The following ADAMTS9 variants were observed in gnomAD, a reference collection of about 807,000 sequenced individuals.
ADAMTS9 encodes the protein ADAM metallopeptidase with thrombospondin type 1 motif 9, also known as A disintegrin and metalloproteinase with thrombospondin motifs 9.
A neutral mutation model predicts 257.1 loss-of-function variants in ADAMTS9; 107 were observed. The ratio of observed to expected loss-of-function variants is 0.42; its 90% CI spans 0.36 to 0.49. The LOEUF (loss-of-function observed/expected upper bound fraction) is 0.49. Ranked by LOEUF, ADAMTS9 falls within the 20% of genes least tolerant of loss-of-function variation. The pLI is 0.03. For synonymous variants in ADAMTS9, 982 were observed against 880.9 expected (o/e 1.11, Z -2.03); for missense variants, 2,353 against 2,469.1 (o/e 0.95, Z 1.00).
intron 25 of ADAMTS9, 148 bp downstream of exon 25, chr3:64,603,774 G>A (rs1421700146): frequency 2.1e-6 from 2 of 941,766 alleles, no homozygotes; most frequent in East Asian, 4.9e-5. Context: ...CTACACATAA[G>A]TGGAGCAGCA....
intron 36 of ADAMTS9, among the ~76,000 whole-genome samples, chr3:64,539,946 T>C (rs1048351768): frequency 4.6e-5 from 7 of 152,242 alleles, no homozygotes; most frequent in Non-Finnish European, 8.8e-5. Context: ...GCTCTGCACA[T>C]GCAAAGGGAG....
chr3:64,569,641 T>TATCCAAGCA lies in ADAMTS9; in HGVS notation c.4357-1107_4357-1106insTGCTTGGAT, dbSNP rs1197357955. 4.0e-5 allele frequency among the ~76,000 whole-genome samples: 6 copies of TATCCAAGCA among 149,750 alleles called. No individual in the cohort carries two copies. The Admixed American group carries it at 4.0e-4, about 10-fold the overall frequency. ...AACCACTATTACCAAGCATGCTCAG[T>TATCCAAGCA]TATCCATTCATAAATGTACCAGACA... On this transcript the variant is annotated intron_variant, in intron 28 of 39. Coordinates refer to ENST00000498707, the MANE Select transcript of ADAMTS9 (RefSeq NM_182920.2).
chr3:64,556,572 T>C (rs964307006), intron 30 of ADAMTS9, among the ~76,000 whole-genome samples: 1 of 152,182 alleles, frequency 6.6e-6, no homozygotes, highest in Non-Finnish European at 1.5e-5. Context: ...CCTCCCTCCT[T>C]GGCCTCCCAA....
At chr3:64,596,110 T>C (rs2084359920) in intron 27 of ADAMTS9, among the ~76,000 whole-genome samples, 1 of 152,238 alleles carries the variant, frequency 6.6e-6, no homozygotes, top group East Asian at 1.9e-4. Context: ...TACTACCTCA[T>C]ATCATGGTCA....
intron 30 of ADAMTS9, among the ~76,000 whole-genome samples, chr3:64,558,998 G>A (rs1246573408): frequency 2.6e-5 from 4 of 152,234 alleles, no homozygotes; most frequent in Admixed American, 2.0e-4. Context: ...GGCGGTGGCA[G>A]CAAGATCGGA....
chr3:64,595,699 G>T lies in ADAMTS9; in HGVS notation c.4179+1131C>A, dbSNP rs572743983. The stretch of plus-strand genomic sequence containing the variant: ...CAATAATCCCGTTATGACTGCCTAT[G>T]ACTACTAGGTTATATGGCTGAAACC... On this transcript the variant is annotated intron_variant, in intron 27 of 39. Transcript: ENST00000498707. Among the ~76,000 whole-genome samples, 6 of 152,294 alleles carry T rather than the reference G, an allele frequency of 3.9e-5. No homozygotes were observed. In the South Asian group the frequency reaches 1.2e-3, roughly 32 times the overall value.
intron 14 of ADAMTS9, among the ~76,000 whole-genome samples, chr3:64,632,416 T>C (rs1700388643): frequency 6.6e-6 from 1 of 152,222 alleles, no homozygotes; most frequent in Non-Finnish European, 1.5e-5. Context: ...TGACATTTTT[T>C]CCCAATTTTC....
chr3:64,546,744 A>C lies in ADAMTS9; in HGVS notation c.5064+14T>G, dbSNP rs1402917227. On this transcript the variant is annotated intron_variant, in intron 32 of 39. Transcript: ENST00000498707. Reference sequence around the variant, plus strand: ...CAAGGGCTTTCAGATTTGAGTGCTCAGTCTTCTACTTACGCTCCCCCAGTT... The same window carrying C: ...CAAGGGCTTTCAGATTTGAGTGCTCCGTCTTCTACTTACGCTCCCCCAGTT... 6.4e-7 allele frequency: 1 copy of C among 1,574,556 alleles called. No individual in the cohort carries two copies. Among genetic ancestry groups the C allele is most frequent in the Admixed American group, 1.8e-5 (1 of 55,408 alleles).
chr3:64,671,816 A>T (rs1478208180), intron 3 of ADAMTS9, among the ~76,000 whole-genome samples: 1 of 152,228 alleles, frequency 6.6e-6, no homozygotes, highest in African/African-American at 2.4e-5. Flanking sequence ...CCATGCAGAT[A>T]TCTGGTCCAC....
chr3:64,558,912 G>T (rs1214047827), intron 30 of ADAMTS9, among the ~76,000 whole-genome samples: 1 of 152,272 alleles, frequency 6.6e-6, no homozygotes, highest in East Asian at 1.9e-4. Context: ...GTCACTAGGT[G>T]TGGGAGAAAA....
intron 3 of ADAMTS9, among the ~76,000 whole-genome samples, chr3:64,670,475 T>C (rs1485934380): frequency 6.6e-6 from 1 of 152,236 alleles, no homozygotes; most frequent in Non-Finnish European, 1.5e-5. Flanking sequence ...TTTCTTGCTA[T>C]GTAGTTCTGG....
intron 38 of ADAMTS9, among the ~76,000 whole-genome samples, chr3:64,529,981 AATTTT>A (rs1178532580): frequency 1.0e-5 from 1 of 95,772 alleles, no homozygotes; most frequent in African/African-American, 3.8e-5. Flanking sequence ...TCAGTTATTT[AATTTT>A]TTTTTTTTTT....
intron 9 of ADAMTS9, chr3:64,650,733 T>C: frequency 6.1e-6 from 2 of 329,808 alleles, no homozygotes; most frequent in Non-Finnish European, 1.1e-5. Context: ...TCCCAATGTC[T>C]GAACAAATCT....
intron 11 of ADAMTS9, 77 bp downstream of exon 11, chr3:64,647,863 A>T (rs1434307328): frequency 2.4e-6 from 3 of 1,241,492 alleles, no homozygotes; most frequent in Non-Finnish European, 3.4e-6. Context: ...TATTCTAAAC[A>T]TCGGTGTCTG....
Position 64,561,608 on chromosome 3 carries a change from G to A in ADAMTS9, c.4668C>T (p.Leu1556=). 1 of 1,614,038 alleles carries A rather than the reference G, an allele frequency of 6.2e-7. No individual in the cohort carries two copies. Among genetic ancestry groups the A allele is most frequent in the Non-Finnish European group, 8.5e-7 (1 of 1,179,970 alleles). ...GCCATTCCTCTGCCCTCCAAGTGTAGAGGGGACACCGTGGGCCTTGGCAGT... is the reference window on the plus strand; with the variant it reads ...GCCATTCCTCTGCCCTCCAAGTGTAAAGGGGACACCGTGGGCCTTGGCAGT... ...ERDCQGPRCP[L]YTWRAEEWQE... is the part of the protein sequence containing the mutation. The change falls in exon 30 of 40, where the codon CTC becomes CTT. Residue 1556 remains leucine, a synonymous_variant. Coordinates refer to ENST00000498707, the MANE Select transcript of ADAMTS9 (RefSeq NM_182920.2).
At chr3:64,546,690 C>T (rs1321941707) in intron 32 of ADAMTS9, 68 bp downstream of exon 32, 11 of 1,479,246 alleles carry the variant, frequency 7.4e-6, no homozygotes, top group Non-Finnish European at 1.0e-5. Context: ...GCGGGTTAGG[C>T]AGGACATGTT....
chr3:64,576,203 C>G (rs1196256473), intron 28 of ADAMTS9, among the ~76,000 whole-genome samples: 1 of 152,218 alleles, frequency 6.6e-6, no homozygotes, highest in Non-Finnish European at 1.5e-5. Context: ...CCCTTTTCTA[C>G]TCCATCATTC....
Position 64,646,967 on chromosome 3 carries a change from T to C in ADAMTS9, c.1710+973A>G, listed in dbSNP as rs1054323646. 3.3e-5 allele frequency among the ~76,000 whole-genome samples: 5 copies of C among 152,186 alleles called. No individual in the cohort carries two copies. In the East Asian group the frequency reaches 9.6e-4, roughly 29 times the overall value. On this transcript the variant is annotated intron_variant, in intron 11 of 39. Transcript: ENST00000498707. The stretch of plus-strand genomic sequence containing the variant: ...TCAGGGAACAGGGAATTAAGTTCCA[T>C]CATCTCTTAGGACTTCTTCCACAGA...
rs74317874 is a variant in ADAMTS9 at position 64,560,287 on chromosome 3, A to G, written c.4698+1291T>C. Among the ~76,000 whole-genome samples the G allele has an allele frequency of 5.4e-3, 820 of 152,322 alleles. 5 individuals are homozygous for G. The highest frequency in any genetic ancestry group is 0.01 in the Middle Eastern group (3 of 294). On this transcript the variant is annotated intron_variant, in intron 30 of 39. Transcript: ENST00000498707. ...AATCTGAAATGTAACTGCTTTAGGC[A>G]TTCCTCCCTGCCACTGTCTGGTGGG... is the stretch of plus-strand genomic sequence containing the variant.
Sources: allele counts gnomAD v4.1 joint callset (sites outside exome capture counted in the v4.1 genomes callset), GRCh38; gene constraint gnomAD v4.1.1; transcripts MANE v1.5; gene names NCBI Gene and HGNC (gene_info 2026-07-23, HGNC 2026-07-21).